CIT: variants seen among roughly 807,000 people sequenced by gnomAD.
CIT encodes the protein citron rho-interacting serine/threonine kinase, also known as citron Rho-interacting kinase.
CIT carries 79 observed loss-of-function variants against 272.7 expected under a neutral mutation model. That is an observed-to-expected ratio of 0.29 (90% CI 0.24 to 0.35). The LOEUF (loss-of-function observed/expected upper bound fraction) is 0.35, where lower values mean the gene tolerates loss of function less well. Among genes scored for constraint, CIT ranks in the 10% least tolerant of loss-of-function variants. The pLI is 1.00. For missense variants in CIT, 1,909 were observed against 2,618.3 expected, an observed-to-expected ratio of 0.73 and a Z score of 5.91; for synonymous variants, 948 against 995.6, an observed-to-expected ratio of 0.95 and a Z score of 0.90.
In CIT at chr12:119,873,337, G is replaced by A. The variant is rs149019445; in HGVS notation, c.96+2736C>T. Reference sequence around the variant, plus strand: ...TAGGCTGAAGTGCTGAAGTGCAGTGGCACAATCTTAGCTCACTGCAACCTC... The same window carrying A: ...TAGGCTGAAGTGCTGAAGTGCAGTGACACAATCTTAGCTCACTGCAACCTC... On this transcript the variant is annotated intron_variant, in intron 2 of 47. Coordinates refer to ENST00000392521, the MANE Select transcript of CIT (RefSeq NM_001206999.2). Among the ~76,000 whole-genome samples the A allele has an allele frequency of 3.4e-3, 507 of 149,656 alleles. 5 individuals are homozygous for A. Among genetic ancestry groups the A allele is most frequent in the African/African-American group, 0.012 (495 of 40,552 alleles).
chr12:119,760,738 C>T (rs1203974444), intron 20 of CIT, among the ~76,000 whole-genome samples: 1 of 151,924 alleles, frequency 6.6e-6, no homozygotes, highest in African/African-American at 2.4e-5. Context: ...TTGAAAAACA[C>T]AAAACTGGCC....
intron 22 of CIT, among the ~76,000 whole-genome samples, chr12:119,755,233 T>C (rs565604431): frequency 3.3e-5 from 5 of 151,978 alleles, no homozygotes; most frequent in Admixed American, 2.6e-4. Context: ...CTGGGCAACA[T>C]AGCAAGACCC....
At chr12:119,744,244 A>G (rs1291256923) in intron 23 of CIT, among the ~76,000 whole-genome samples, 1 of 152,100 alleles carries the variant, frequency 6.6e-6, no homozygotes, top group Admixed American at 6.6e-5. Flanking sequence ...TTACTGATAG[A>G]TGTGTGGCCA....
intron 5 of CIT, among the ~76,000 whole-genome samples, chr12:119,847,602 A>T (rs1352047679): frequency 6.6e-6 from 1 of 150,598 alleles, no homozygotes; most frequent in Non-Finnish European, 1.5e-5. Context: ...CAGAAAAAAA[A>T]TGAAAAGAAA....
chr12:119,784,241 A>G lies in CIT; in HGVS notation c.1402-190T>C, dbSNP rs1964559158. On this transcript the variant is annotated intron_variant, in intron 11 of 47. Coordinates refer to ENST00000392521, the MANE Select transcript of CIT (RefSeq NM_001206999.2). The surrounding 1 kb of genome is among the most constrained non-coding windows in gnomAD (Gnocchi z 4.7). ...GTTCTTCGTTAAGGACAGTCACCAA[A>G]TGCTAAGTCACTCCTCTCATTCAAG... 1 of 1,591,676 alleles carries G rather than the reference A, an allele frequency of 6.3e-7. No homozygotes were observed. Among genetic ancestry groups the G allele is most frequent in the Admixed American group, 1.7e-5 (1 of 59,372 alleles).
intron 5 of CIT, among the ~76,000 whole-genome samples, chr12:119,846,241 T>A (rs1445964429): frequency 6.6e-6 from 1 of 152,182 alleles, no homozygotes; most frequent in Non-Finnish European, 1.5e-5. Flanking sequence ...TACTGAGCAG[T>A]AGCCTGCCAC....
intron 18 of CIT, 24 bp from the exon 19 acceptor site, chr12:119,767,206 C>A (rs760974993): frequency 9.5e-6 from 15 of 1,580,430 alleles, no homozygotes; most frequent in Non-Finnish European, 2.6e-6. Context: ...AAAAGACAGT[C>A]AGGTGTGCAG....
chr12:119,782,678 C>A (rs1964409496), intron 12 of CIT, 41 bp from the exon 13 acceptor site: 8 of 1,609,190 alleles, frequency 5.0e-6, no homozygotes, highest in African/African-American at 1.3e-5. Flanking sequence ...CCCTGTGGAT[C>A]CTGCTTTGTT....
At chr12:119,748,765 A>G (rs919874434) in intron 23 of CIT, among the ~76,000 whole-genome samples, 1 of 152,224 alleles carries the variant, frequency 6.6e-6, no homozygotes, top group South Asian at 2.1e-4. Flanking sequence ...AACATTAGTC[A>G]CTTGACAGAA....
At chr12:119,863,781 C>T (rs902796006) in intron 3 of CIT, among the ~76,000 whole-genome samples, 2 of 151,268 alleles carry the variant, frequency 1.3e-5, no homozygotes, top group African/African-American at 4.9e-5. Flanking sequence ...GCACCTGCCT[C>T]GGCCTCCCAA....
At chr12:119,838,465 G>A (rs1969176404) in intron 5 of CIT, among the ~76,000 whole-genome samples, 1 of 152,112 alleles carries the variant, frequency 6.6e-6, no homozygotes, top group Non-Finnish European at 1.5e-5. Flanking sequence ...GGATTCCAGG[G>A]AATAACCCCA....
intron 24 of CIT, among the ~76,000 whole-genome samples, chr12:119,742,158 A>C (rs145611572): frequency 6.6e-6 from 1 of 152,240 alleles, no homozygotes; most frequent in East Asian, 1.9e-4. Context: ...CCACTAATAG[A>C]ATTATTTTGA....
In CIT at chr12:119,825,319, A is replaced by G. The variant is rs1358626151; in HGVS notation, c.803T>C (p.Val268Ala). The change falls in exon 8 of 48, where the codon GTG becomes GCG. Residue 268 changes from valine to alanine, a missense_variant. Transcript: ENST00000392521. ...IGTPDYMAPEVLTVMNGDGKG... is the reference protein window; with the variant it reads ...IGTPDYMAPEALTVMNGDGKG... The stretch of plus-strand genomic sequence containing the variant: ...TCCATCCCCGTTCATCACAGTCAGC[A>G]CTTCAGGAGCCATGTAATCTGGGGT... 3 of 1,614,104 alleles carry G rather than the reference A, an allele frequency of 1.9e-6. No individual in the cohort carries two copies. Among genetic ancestry groups the G allele is most frequent in the South Asian group, 2.2e-5 (2 of 91,078 alleles).
At chr12:119,876,930 G>T (rs61401543) in intron 1 of CIT, among the ~76,000 whole-genome samples, 4 of 152,130 alleles carry the variant, frequency 2.6e-5, no homozygotes, top group Admixed American at 2.6e-4. Flanking sequence ...ATAAGGAACC[G>T]GCCGACTACA....
rs1444859953 is a variant in CIT, at chr12:119,712,262, G to A, written c.4770C>T (p.Phe1590=). 3 of 1,614,178 alleles carry A rather than the reference G, an allele frequency of 1.9e-6. No individual in the cohort carries two copies. The Admixed American group carries it at 5.0e-5, about 27-fold the overall frequency. The change falls in exon 37 of 48, where the codon TTC becomes TTT. Residue 1590 remains phenylalanine (F), a synonymous_variant. Transcript: ENST00000392521. This position sits in a 1 kb window ranked among gnomAD's most constrained non-coding sequence, Gnocchi z 5.2. ...GRTLYLLAPS[F]PDKQRWVTAL... ...CGGTGACCCAGCGCTGTTTGTCAGG[G>A]AAGCTGGGAGCTAGCAAGTAGAGGG... is the stretch of plus-strand genomic sequence containing the variant.
At chr12:119,744,493 C>A (rs990511486) in intron 23 of CIT, among the ~76,000 whole-genome samples, 1 of 151,248 alleles carries the variant, frequency 6.6e-6, no homozygotes, top group African/African-American at 2.4e-5. Context: ...GAAGCCGAGG[C>A]GGGCAGATCA....
In CIT at chr12:119,701,806, C is replaced by T. The variant is rs374145571; in HGVS notation, c.5413+44G>A. 201 of 1,614,018 alleles carry T rather than the reference C, an allele frequency of 1.2e-4. 2 individuals are homozygous for T. The highest frequency in any genetic ancestry group is 6.6e-4 in the Middle Eastern group (4 of 6,084). ...CAGGAGTGAGTTCTGAGTCTCAGCG[C>T]GGCCTGAGCCATGGGTGGGTGCGAA... On this transcript the variant is annotated intron_variant, in intron 42 of 47. Transcript: ENST00000392521.
At chr12:119,842,966 G>A (rs1470369791) in intron 5 of CIT, among the ~76,000 whole-genome samples, 2 of 152,138 alleles carry the variant, frequency 1.3e-5, no homozygotes, top group African/African-American at 4.8e-5. Context: ...TAGTGGGACA[G>A]ACCAGCACCC....
chr12:119,876,302 T>G (rs1371139885), intron 1 of CIT, 121 bp from the exon 2 acceptor site: 4 of 600,700 alleles, frequency 6.7e-6, no homozygotes, highest in Non-Finnish European at 1.2e-5. Context: ...CACTCCAGTT[T>G]TAGGAAGCTC....
Sources: allele counts gnomAD v4.1 joint callset (sites outside exome capture counted in the v4.1 genomes callset), GRCh38; gene constraint gnomAD v4.1.1; non-coding constraint Gnocchi (gnomAD v3.1); transcripts MANE v1.5; gene names NCBI Gene and HGNC (gene_info 2026-07-23, HGNC 2026-07-21).